PI4K2A: variants seen among roughly 807,000 people sequenced by gnomAD.
The protein encoded by PI4K2A is phosphatidylinositol 4-kinase type 2-alpha.
Under a neutral mutation model 55.0 loss-of-function variants are expected in PI4K2A, and 20 were observed. The observed-to-expected ratio is 0.36, with a 90% CI of 0.26 to 0.53. The LOEUF (loss-of-function observed/expected upper bound fraction) is 0.53. Among genes scored for constraint, PI4K2A ranks in the 20% least tolerant of loss-of-function variants. The pLI is 0.91. For synonymous variants in PI4K2A, 235 were observed against 258.5 expected, an observed-to-expected ratio of 0.91 and a Z score of 0.87; for missense variants, 463 against 637.1, an observed-to-expected ratio of 0.73 and a Z score of 2.94.
intron 8 of PI4K2A, among the ~76,000 whole-genome samples, chr10:97,671,234 A>G (rs150172239): frequency 1.9e-3 from 292 of 152,320 alleles, no homozygotes; most frequent in African/African-American, 6.7e-3. Context: ...TAATTTTGAC[A>G]AAGAGGAGAA....
chr10:97,674,002 C>G, exon 9 of PI4K2A: 1 of 436,112 alleles, frequency 2.3e-6, no homozygotes, highest in Non-Finnish European at 4.1e-6. Context: ...CATCTCCCTT[C>G]CAGCATCTGC....
Position 97,656,445 on chromosome 10 carries a change from G to A in PI4K2A, c.768+29G>A, listed in dbSNP as rs767577908. The A allele has an allele frequency of 3.7e-6, 6 of 1,608,680 alleles. No homozygotes were observed. The East Asian group carries it at 1.3e-4, about 36-fold the overall frequency. On this transcript the variant is annotated intron_variant, in intron 3 of 8. Coordinates refer to ENST00000370631, the Ensembl canonical transcript of PI4K2A. The surrounding 1 kb of genome is among the most constrained non-coding windows in gnomAD (Gnocchi z 4.5). ...TAGACGCACCTCTGGCTTATCAAGG[G>A]TCATGATTTATAGTGACATAGTCAT...
intron 1 of PI4K2A, among the ~76,000 whole-genome samples, chr10:97,642,823 C>CTTTCT (rs11399402): frequency 4.8e-4 from 8 of 16,634 alleles, no homozygotes; most frequent in African/African-American, 7.9e-4. Context: ...TCCTTCCTTC[C>CTTTCT]TTCCTTCCTT....
chr10:97,641,173 A>AGGGGGTGAGTGC, exon 1 of PI4K2A: 1 of 1,599,818 alleles, frequency 6.3e-7, no homozygotes, highest in Non-Finnish European at 8.5e-7. Context: ...AAGGACCCTC[A>AGGGGGTGAGTGC]GGGGGTGAGT....
intron 8 of PI4K2A, among the ~76,000 whole-genome samples, chr10:97,671,371 G>A (rs2041634442): frequency 6.6e-6 from 1 of 152,130 alleles, no homozygotes; most frequent in Admixed American, 6.6e-5. Context: ...AGGGTCATTT[G>A]AGGCCAGAAG....
exon 9 of PI4K2A, chr10:97,673,999 C>T: frequency 2.3e-6 from 1 of 438,014 alleles, no homozygotes; most frequent in Non-Finnish European, 4.1e-6. Context: ...GAACATCTCC[C>T]TTCCAGCATC....
chr10:97,658,667 G>A (rs1042308554), intron 4 of PI4K2A, among the ~76,000 whole-genome samples: 7 of 152,124 alleles, frequency 4.6e-5, no homozygotes, highest in Admixed American at 2.0e-4. Flanking sequence ...CAGCACACGA[G>A]GGTTCCTTCC....
rs76728134 is a variant in PI4K2A at position 97,660,879 on chromosome 10, C to T, written c.923-2028C>T. On this transcript the variant is annotated intron_variant, in intron 4 of 8. Coordinates refer to ENST00000370631, the Ensembl canonical transcript of PI4K2A. ...AATAAACCCCATGTACTTGTTACCA[C>T]CTTCAACAGTTATTATGTAAGGTCT... 2.4e-3 allele frequency among the ~76,000 whole-genome samples: 362 copies of T among 151,306 alleles called. 5 individuals carry two copies. Among genetic ancestry groups the T allele is most frequent in the African/African-American group, 8.2e-3 (338 of 41,208 alleles).
intron 1 of PI4K2A, among the ~76,000 whole-genome samples, chr10:97,647,673 C>T (rs974228735): frequency 2.0e-5 from 3 of 152,168 alleles, no homozygotes; most frequent in Non-Finnish European, 4.4e-5. Context: ...GCACTTGTCT[C>T]CCCTTCTGTC....
chr10:97,667,189 T>C, intron 8 of PI4K2A, 69 bp downstream of exon 8: 1 of 1,194,316 alleles, frequency 8.4e-7, no homozygotes, highest in Non-Finnish European at 1.2e-6. Context: ...GTTGAGCAAA[T>C]GTTTGAAGTT....
At chr10:97,652,134 A>T (rs1262520449) in intron 2 of PI4K2A, among the ~76,000 whole-genome samples, 2 of 152,124 alleles carry the variant, frequency 1.3e-5, no homozygotes, top group Non-Finnish European at 2.9e-5. Context: ...CTCTTTGAGA[A>T]TCTGATGAAA....
At position 97,658,812 on chromosome 10, in the gene PI4K2A, A is replaced by G. The variant is rs868036936; in HGVS notation, c.922+1838A>G. ...ATGTTATCTTATAGTTTTGATTTGC[A>G]TTTCCTTAATGATTAGTGATGGTAA... On this transcript the variant is annotated intron_variant, in intron 4 of 8. Transcript: ENST00000370631. 5.9e-5 allele frequency among the ~76,000 whole-genome samples: 9 copies of G among 152,152 alleles called. No homozygotes were observed. In the Middle Eastern group the frequency reaches 0.01, roughly 173 times the overall value.
At chr10:97,642,157 G>A (rs1458327351) in intron 1 of PI4K2A, among the ~76,000 whole-genome samples, 1 of 152,154 alleles carries the variant, frequency 6.6e-6, no homozygotes, top group Non-Finnish European at 1.5e-5. Context: ...TCTCTCCTGT[G>A]TGAACTCTTT....
chr10:97,670,267 A>C (rs1002479342), intron 8 of PI4K2A, among the ~76,000 whole-genome samples: 5 of 152,186 alleles, frequency 3.3e-5, no homozygotes, highest in Non-Finnish European at 5.9e-5. Flanking sequence ...TTCAAATTTA[A>C]AAAATAATTT....
intron 1 of PI4K2A, among the ~76,000 whole-genome samples, chr10:97,643,041 T>G (rs1407626463): frequency 1.3e-5 from 2 of 151,362 alleles, no homozygotes; most frequent in African/African-American, 2.4e-5. Context: ...CAGGCTGGAG[T>G]GCAGTGGTGC....
Position 97,641,067 on chromosome 10 carries a change from G to C in PI4K2A, c.325G>C (p.Glu109Gln), listed in dbSNP as rs775524546. The C allele has an allele frequency of 2.5e-5, 40 of 1,607,678 alleles. 1 individual carries two copies. The South Asian group carries it at 4.4e-4, about 18-fold the overall frequency. ...GCGGAACGAGTTCCCGGAGGATCCT[G>C]AGTTCGAGGCGGTGGTGCGGCAGGC... The change falls in exon 1 of 9, where the codon GAG becomes CAG. Residue 109 changes from glutamate to glutamine, a missense_variant. Physicochemically the swap from Glu to Gln is conservative, Grantham distance 29. Around this residue, in one of 2 missense-constraint regions of PI4K2A, gnomAD observed 186 missense variants for 204.5 expected, o/e 0.91. Coordinates refer to ENST00000370631, the Ensembl canonical transcript of PI4K2A.
exon 9 of PI4K2A, chr10:97,674,070 C>T: frequency 4.3e-6 from 1 of 231,366 alleles, no homozygotes; most frequent in Non-Finnish European, 8.4e-6. Flanking sequence ...TTGCAATTCC[C>T]TATTATATTC....
intron 4 of PI4K2A, among the ~76,000 whole-genome samples, chr10:97,658,943 T>C (rs1348325908): frequency 1.3e-5 from 2 of 152,256 alleles, no homozygotes; most frequent in Non-Finnish European, 2.9e-5. Context: ...TGTTGAGTTC[T>C]CTATACATTT....
intron 4 of PI4K2A, among the ~76,000 whole-genome samples, chr10:97,658,170 A>T (rs1450637732): frequency 6.6e-6 from 1 of 151,982 alleles, no homozygotes; most frequent in Non-Finnish European, 1.5e-5. Context: ...GAAGCTCTAT[A>T]CTCATTAAAC....
Sources: allele counts gnomAD v4.1 joint callset (sites outside exome capture counted in the v4.1 genomes callset), GRCh38; gene constraint gnomAD v4.1.1; regional missense constraint gnomAD v4.1.1; non-coding constraint Gnocchi (gnomAD v3.1); transcripts MANE v1.5; gene names NCBI Gene and HGNC (gene_info 2026-07-23, HGNC 2026-07-21).